The following RAPGEF4 variants were observed in gnomAD, a reference collection of about 807,000 sequenced individuals.
RAPGEF4 encodes the protein Rap guanine nucleotide exchange factor 4, also known as RAP guanine-nucleotide-exchange factor (GEF) 4.
RAPGEF4 carries 66 observed loss-of-function variants against 147.9 expected under a neutral mutation model. That is an observed-to-expected ratio of 0.45 (90% CI 0.37 to 0.55). The LOEUF is 0.55. RAPGEF4 is among the 20% of genes least tolerant of loss of function. The probability of loss-of-function intolerance (pLI) is 0.00; values close to 1 mark genes in which losing one functional copy is unlikely to be tolerated. For synonymous variants in RAPGEF4, 419 were observed against 442.7 expected (o/e 0.95, Z 0.67); for missense variants, 1,071 against 1,257.3 (o/e 0.85, Z 2.24).
chr2:172,804,618 T>A (rs1349881002), intron 3 of RAPGEF4, among the ~76,000 whole-genome samples: 1 of 152,178 alleles, frequency 6.6e-6, no homozygotes, highest in African/African-American at 2.4e-5. Flanking sequence ...TCTCCTGTGC[T>A]TTAGGCAGTG....
At chr2:172,748,946 A>G (rs966700254) in intron 1 of RAPGEF4, among the ~76,000 whole-genome samples, 1 of 152,212 alleles carries the variant, frequency 6.6e-6, no homozygotes, top group South Asian at 2.1e-4. Context: ...GGGCAGTCAA[A>G]TCTTAAGACT....
intron 4 of RAPGEF4, among the ~76,000 whole-genome samples, chr2:172,881,804 T>C (rs1696664159): frequency 6.6e-6 from 1 of 152,250 alleles, no homozygotes; most frequent in Non-Finnish European, 1.5e-5. Flanking sequence ...AGAGACTACT[T>C]TGGTATGCCT....
chr2:172,866,723 T>C (rs1279540239), intron 4 of RAPGEF4, among the ~76,000 whole-genome samples: 1 of 152,058 alleles, frequency 6.6e-6, no homozygotes, highest in East Asian at 1.9e-4. Flanking sequence ...CCCAAACCAA[T>C]AATTTGCTGA....
chr2:173,020,489 C>A, intron 22 of RAPGEF4, 129 bp from the exon 23 acceptor site: 1 of 795,858 alleles, frequency 1.3e-6, no homozygotes, highest in Non-Finnish European at 2.2e-6. Context: ...CCCTTCAGTA[C>A]TCTATTTTAT....
At chr2:172,919,351 C>T (rs1183219728) in intron 5 of RAPGEF4, among the ~76,000 whole-genome samples, 1 of 152,054 alleles carries the variant, frequency 6.6e-6, no homozygotes, top group Admixed American at 6.5e-5. Flanking sequence ...GGATTTTGCC[C>T]CATACTTCTT....
intron 4 of RAPGEF4, among the ~76,000 whole-genome samples, chr2:172,866,770 G>T (rs1411048534): frequency 6.6e-6 from 1 of 151,956 alleles, no homozygotes; most frequent in East Asian, 1.9e-4. Context: ...TCTCAAACAT[G>T]TTCTATCACT....
chr2:172,942,540 G>C (rs534917698), intron 6 of RAPGEF4, among the ~76,000 whole-genome samples: 2 of 144,926 alleles, frequency 1.4e-5, no homozygotes, highest in East Asian at 4.1e-4. Context: ...GACAAACATG[G>C]TACTCCTGCT....
intron 9 of RAPGEF4, among the ~76,000 whole-genome samples, chr2:172,966,358 A>T (rs1689841870): frequency 6.6e-6 from 1 of 152,210 alleles, no homozygotes; most frequent in African/African-American, 2.4e-5. Context: ...AGCGTTTCTC[A>T]TACTTTAATG....
intron 2 of RAPGEF4, 122 bp from the exon 3 acceptor site, chr2:172,797,403 T>G: frequency 1.5e-6 from 1 of 659,444 alleles, no homozygotes; most frequent in Non-Finnish European, 2.6e-6. Context: ...GGGCAACAGA[T>G]AGGGGAAGGG....
intron 1 of RAPGEF4, among the ~76,000 whole-genome samples, chr2:172,789,124 A>G (rs1685543657): frequency 6.6e-6 from 1 of 152,232 alleles, no homozygotes; most frequent in Admixed American, 6.5e-5. Context: ...CATCAGTGCC[A>G]GCAAAAGAAC....
At chr2:173,018,631 C>G (rs1465072730) in intron 21 of RAPGEF4, 25 bp from the exon 22 acceptor site, 21 of 1,594,050 alleles carry the variant, frequency 1.3e-5, no homozygotes, top group Non-Finnish European at 1.6e-5. Context: ...GAGTGATTTA[C>G]TACCTTGTTA....
chr2:172,898,232 A>G (rs549377930), intron 4 of RAPGEF4, among the ~76,000 whole-genome samples: 1 of 152,294 alleles, frequency 6.6e-6, no homozygotes, highest in Non-Finnish European at 1.5e-5. Context: ...ATCATGGTAG[A>G]TATCCACATG....
intron 22 of RAPGEF4, among the ~76,000 whole-genome samples, chr2:173,019,899 T>G (rs1695894008): frequency 6.6e-6 from 1 of 152,226 alleles, no homozygotes; most frequent in Non-Finnish European, 1.5e-5. Flanking sequence ...CTGTGATATT[T>G]TTTTCTCCTT....
intron 4 of RAPGEF4, among the ~76,000 whole-genome samples, chr2:172,886,733 T>C (rs1697268934): frequency 6.6e-6 from 1 of 151,098 alleles, no homozygotes; most frequent in Non-Finnish European, 1.5e-5. Flanking sequence ...TTGGCAATGC[T>C]CTTTCTAAAG....
chr2:172,841,976 C>G (rs1463886993), intron 4 of RAPGEF4, among the ~76,000 whole-genome samples: 2 of 152,160 alleles, frequency 1.3e-5, no homozygotes, highest in African/African-American at 2.4e-5. Context: ...ATTATATTTT[C>G]TTTTCTAGTA....
intron 4 of RAPGEF4, chr2:172,821,472 G>A: frequency 5.8e-6 from 4 of 692,766 alleles, no homozygotes; most frequent in Non-Finnish European, 7.1e-6. Flanking sequence ...TGCATCAAAG[G>A]ACTAAGAAAA....
intron 4 of RAPGEF4, among the ~76,000 whole-genome samples, chr2:172,853,119 A>G (rs1378441406): frequency 6.6e-6 from 1 of 151,846 alleles, no homozygotes; most frequent in Non-Finnish European, 1.5e-5. Flanking sequence ...TAGTATTTTT[A>G]TTAGATTTTG....
rs922989691 is a variant in RAPGEF4 at position 172,831,429 on chromosome 2, C to T, written c.444+17004C>T. 5.9e-5 allele frequency among the ~76,000 whole-genome samples: 9 copies of T among 151,524 alleles called. No homozygotes were observed. In the South Asian group the frequency reaches 1.0e-3, roughly 18 times the overall value. Reference sequence around the variant, plus strand: ...GATTACAGGTGCCTGCCACCATGCCCGGCTAATTTTTGTATGTTTAGTAGA... The same window carrying T: ...GATTACAGGTGCCTGCCACCATGCCTGGCTAATTTTTGTATGTTTAGTAGA... On this transcript the variant is annotated intron_variant, in intron 4 of 30. Coordinates refer to ENST00000397081, the MANE Select transcript of RAPGEF4 (RefSeq NM_007023.4).
intron 4 of RAPGEF4, among the ~76,000 whole-genome samples, chr2:172,895,237 C>T (rs556797867): frequency 1.3e-5 from 2 of 152,122 alleles, no homozygotes; most frequent in East Asian, 3.9e-4. Context: ...AGAGCCATTC[C>T]GGTGGGTTTG....
Sources: gnomAD v4.1 joint callset for allele counts (sites outside exome capture counted in the v4.1 genomes callset) on GRCh38, gnomAD v4.1.1 for gene constraint, MANE v1.5 for transcripts, NCBI Gene and HGNC (gene_info 2026-07-23, HGNC 2026-07-21) for gene names.